SLC39A11: variants seen among roughly 807,000 people sequenced by gnomAD.
The protein encoded by SLC39A11 is zinc transporter ZIP11.
SLC39A11 carries 33 observed loss-of-function variants against 36.1 expected under a neutral mutation model. The ratio of observed to expected loss-of-function variants is 0.91; its 90% CI spans 0.69 to 1.22. The LOEUF (loss-of-function observed/expected upper bound fraction) is 1.22, where lower values mean the gene tolerates loss of function less well. Among genes scored for constraint, SLC39A11 ranks in the 50% most tolerant of loss-of-function variants. The probability of loss-of-function intolerance (pLI) is 0.00; values close to 1 mark genes in which losing one functional copy is unlikely to be tolerated. For synonymous variants in SLC39A11, 166 were observed against 170.3 expected, an observed-to-expected ratio of 0.97 and a Z score of 0.20; for missense variants, 432 against 430.3, an observed-to-expected ratio of 1.00 and a Z score of -0.03.
chr17:72,682,847 A>G (rs975010687), intron 7 of SLC39A11, among the ~76,000 whole-genome samples: 23 of 152,356 alleles, frequency 1.5e-4, no homozygotes, highest in South Asian at 4.1e-4. Flanking sequence ...TTATGAGTCA[A>G]TCTTTAGGAC....
intron 3 of SLC39A11, 130 bp downstream of exon 3, chr17:73,084,678 A>G (rs1599222041): frequency 1.3e-6 from 1 of 780,868 alleles, no homozygotes; most frequent in Non-Finnish European, 2.2e-6. Context: ...GATAAGAGGG[A>G]GGTGTTAGTG....
intron 5 of SLC39A11, among the ~76,000 whole-genome samples, chr17:72,927,237 G>C (rs572315416): frequency 8.2e-6 from 1 of 121,506 alleles, no homozygotes; most frequent in Non-Finnish European, 1.7e-5. Flanking sequence ...TTTTGGTAGA[G>C]ATAAAAAAAA....
chr17:72,806,017 T>G (rs2077244755), intron 6 of SLC39A11, among the ~76,000 whole-genome samples: 1 of 152,032 alleles, frequency 6.6e-6, no homozygotes. Context: ...CTCCTAAAAT[T>G]ACTGGGATTA....
chr17:72,660,631 G>C (rs1352733989), intron 7 of SLC39A11, among the ~76,000 whole-genome samples: 2 of 152,154 alleles, frequency 1.3e-5, no homozygotes, highest in Non-Finnish European at 2.9e-5. Context: ...TGAGGTTCTG[G>C]CCTCTTCTGG....
intron 3 of SLC39A11, among the ~76,000 whole-genome samples, chr17:73,077,272 C>T (rs558411852): frequency 2.6e-5 from 4 of 152,160 alleles, no homozygotes; most frequent in African/African-American, 9.6e-5. Flanking sequence ...ATCTGGGGAC[C>T]CACCAGGAGT....
chr17:72,774,353 G>A (rs546786491), intron 6 of SLC39A11, among the ~76,000 whole-genome samples: 154 of 152,320 alleles, frequency 1.0e-3, no homozygotes, highest in African/African-American at 3.5e-3. Context: ...GGGAGGGTTT[G>A]TGGCAGCTCA....
At chr17:73,078,712 G>A (rs1214210148) in intron 3 of SLC39A11, among the ~76,000 whole-genome samples, 1 of 151,946 alleles carries the variant, frequency 6.6e-6, no homozygotes, top group Non-Finnish European at 1.5e-5. Context: ...GGCCAGGCTG[G>A]TGTTCAGCTC....
chr17:73,035,621 C>A (rs533331248), intron 3 of SLC39A11, among the ~76,000 whole-genome samples: 8 of 151,862 alleles, frequency 5.3e-5, no homozygotes, highest in Non-Finnish European at 7.4e-5. Flanking sequence ...AGGGTCCTTA[C>A]GAAGGAGTGA....
At chr17:72,649,381 C>T (rs2069738541) in intron 7 of SLC39A11, 113 bp from the exon 8 acceptor site, 2 of 798,584 alleles carry the variant, frequency 2.5e-6, no homozygotes, top group Non-Finnish European at 4.0e-6. Flanking sequence ...AGGAGGAGAC[C>T]TGTGACCTGC....
chr17:72,808,201 G>C (rs1398452952), intron 6 of SLC39A11, among the ~76,000 whole-genome samples: 1 of 152,158 alleles, frequency 6.6e-6, no homozygotes, highest in Non-Finnish European at 1.5e-5. Flanking sequence ...CTGTTGGGTG[G>C]GGAACTACCA....
At chr17:72,861,782 A>ATATATATATATC (rs1271434359) in intron 5 of SLC39A11, among the ~76,000 whole-genome samples, 4 of 91,480 alleles carry the variant, frequency 4.4e-5, no homozygotes, top group African/African-American at 7.7e-5. Context: ...ATATATATAT[A>ATATATATATATC]TCCAATGCTA....
At chr17:72,887,797 A>T (rs1396131585) in intron 5 of SLC39A11, among the ~76,000 whole-genome samples, 1 of 152,218 alleles carries the variant, frequency 6.6e-6, no homozygotes, top group Admixed American at 6.5e-5. Context: ...ACGAAAAAAA[A>T]AATTGCTTAT....
In SLC39A11 at chr17:73,012,999, A is replaced by C. The variant is rs369713364; in HGVS notation, c.306+18557T>G. Among the ~76,000 whole-genome samples the C allele has an allele frequency of 1.1e-3, 164 of 152,154 alleles. No homozygotes were observed. In the East Asian group the frequency reaches 0.018, roughly 16 times the overall value. On this transcript the variant is annotated intron_variant, in intron 4 of 9. Coordinates refer to ENST00000255559, the MANE Select transcript of SLC39A11 (RefSeq NM_139177.4). ...TTTTTAGTAGAGATGGGATTTTACCATGTTGGCCAGGCTGGTCTCGAACTC... is the reference window on the plus strand; with the variant it reads ...TTTTTAGTAGAGATGGGATTTTACCCTGTTGGCCAGGCTGGTCTCGAACTC...
intron 6 of SLC39A11, among the ~76,000 whole-genome samples, chr17:72,841,834 G>A (rs1383148547): frequency 6.6e-6 from 1 of 152,092 alleles, no homozygotes; most frequent in Non-Finnish European, 1.5e-5. Flanking sequence ...GGCTAAGGCG[G>A]GAGAATCTAT....
At chr17:72,999,915 A>G (rs2089722637) in intron 4 of SLC39A11, among the ~76,000 whole-genome samples, 1 of 151,544 alleles carries the variant, frequency 6.6e-6, no homozygotes. Context: ...TAAGTTTTGT[A>G]TTTTTAGTAG....
intron 7 of SLC39A11, among the ~76,000 whole-genome samples, chr17:72,702,249 C>T (rs995557870): frequency 6.6e-6 from 1 of 152,196 alleles, no homozygotes; most frequent in Non-Finnish European, 1.5e-5. Context: ...TAGGAGGCTA[C>T]TGTTTTTTTC....
At chr17:72,721,943 C>T (rs1171785399) in intron 7 of SLC39A11, among the ~76,000 whole-genome samples, 1 of 131,288 alleles carries the variant, frequency 7.6e-6, no homozygotes, top group Non-Finnish European at 1.5e-5. Context: ...ACATTCCAGC[C>T]TGGGCAACAG....
At chr17:73,024,810 G>A (rs1331741129) in intron 4 of SLC39A11, among the ~76,000 whole-genome samples, 1 of 149,804 alleles carries the variant, frequency 6.7e-6, no homozygotes, top group Admixed American at 6.7e-5. Flanking sequence ...GGATTCTGCT[G>A]CCTTAGCCTC....
intron 6 of SLC39A11, among the ~76,000 whole-genome samples, chr17:72,810,360 G>A (rs537026509): frequency 6.6e-6 from 1 of 152,156 alleles, no homozygotes; most frequent in Non-Finnish European, 1.5e-5. Flanking sequence ...TCCATTCACA[G>A]AAGAATGGAC....
Sources: gnomAD v4.1 joint callset for allele counts (sites outside exome capture counted in the v4.1 genomes callset) on GRCh38, gnomAD v4.1.1 for gene constraint, MANE v1.5 for transcripts, NCBI Gene and HGNC (gene_info 2026-07-23, HGNC 2026-07-21) for gene names.